GNL2: variants seen among roughly 807,000 people sequenced by gnomAD.
The protein encoded by GNL2 is nucleolar GTP-binding protein 2.
GNL2 carries 51 observed loss-of-function variants against 92.3 expected under a neutral mutation model. The observed-to-expected ratio is 0.55, with a 90% confidence interval of 0.44 to 0.70. The LOEUF (loss-of-function observed/expected upper bound fraction) is 0.70, where lower values mean the gene tolerates loss of function less well. GNL2 is among the 30% of genes least tolerant of loss of function. The pLI is 0.00. For synonymous variants in GNL2, 283 were observed against 300.6 expected (o/e 0.94, Z 0.61); for missense variants, 844 against 895.6 (o/e 0.94, Z 0.74).
At chr1:37,591,764 C>T (rs1643889190) in intron 3 of GNL2, among the ~76,000 whole-genome samples, 1 of 152,138 alleles carries the variant, frequency 6.6e-6, no homozygotes, top group South Asian at 2.1e-4. Context: ...GCCTTGGCCT[C>T]CCAAAGTGCT....
intron 15 of GNL2, among the ~76,000 whole-genome samples, chr1:37,567,358 G>A (rs1643520957): frequency 6.6e-6 from 1 of 152,224 alleles, no homozygotes. Context: ...CTCCAAAGCT[G>A]TCCTTCACAG....
rs745978942 is a variant in GNL2, at chr1:37,593,749, A to C, written c.149+13T>G. ...GAAGGAAAAGAGAAAGGATGACAGC[A>C]CCCAGTGCTCACCTGCGCTCCTTTT... On this transcript the variant is annotated intron_variant, in intron 2 of 15. Coordinates refer to ENST00000373062, the MANE Select transcript of GNL2 (RefSeq NM_013285.3). 8.8e-6 allele frequency: 14 copies of C among 1,591,692 alleles called. No homozygotes were observed. The highest frequency in any genetic ancestry group is 1.7e-4 in the Middle Eastern group (1 of 6,042).
intron 8 of GNL2, among the ~76,000 whole-genome samples, chr1:37,577,251 T>C (rs1326602746): frequency 6.6e-6 from 1 of 152,190 alleles, no homozygotes; most frequent in Non-Finnish European, 1.5e-5. Flanking sequence ...ACCCCCCCTT[T>C]TCTTTGCATA....
In GNL2 at chr1:37,595,904, G is replaced by C. The variant is rs183321878; in HGVS notation, c.-82C>G. ...TTTTATGTTCCCAAGCCCGGCCGAA[G>C]ACACCCGCCTGAACCACGCCGGACC... On this transcript the variant is annotated 5_prime_UTR_variant, in exon 1 of 16. Coordinates refer to ENST00000373062, the MANE Select transcript of GNL2 (RefSeq NM_013285.3). 8 of 1,209,456 alleles carry C rather than the reference G, an allele frequency of 6.6e-6. No individual in the cohort carries two copies. The Admixed American group carries it at 8.8e-5, about 13-fold the overall frequency. The allele number at this position is 1,209,456 out of a possible 1,614,324, so 74.9% of individuals were successfully genotyped here. A position where few individuals can be genotyped will look rare whatever the true frequency, so the allele number is the denominator to read the frequency against.
chr1:37,581,695 C>T (rs917401748), intron 8 of GNL2: 38 of 362,180 alleles, frequency 1.0e-4, no homozygotes, highest in Admixed American at 1.0e-3. Context: ...TGAGAAGTCT[C>T]GCTCTGTCGC....
chr1:37,574,958 C>G lies in GNL2; in HGVS notation c.1144-135G>C, dbSNP rs933377538. The G allele has an allele frequency of 4.6e-6, 3 of 655,764 alleles. No homozygotes were observed. The African/African-American group carries it at 5.4e-5, about 12-fold the overall frequency. The allele number at this position is 655,764 out of a possible 1,614,324, so 40.6% of individuals were successfully genotyped here. A position where few individuals can be genotyped will look rare whatever the true frequency, so the allele number is the denominator to read the frequency against. Reference sequence around the variant, plus strand: ...CGTGGAGATTGGCAGGAGCCTGTCTCTGACGGGGCTAGACATGGTCAGCTG... The same window carrying G: ...CGTGGAGATTGGCAGGAGCCTGTCTGTGACGGGGCTAGACATGGTCAGCTG... On this transcript the variant is annotated intron_variant, in intron 10 of 15. Coordinates refer to ENST00000373062, the MANE Select transcript of GNL2 (RefSeq NM_013285.3).
chr1:37,584,753 TA>T (rs1032216214), intron 5 of GNL2, among the ~76,000 whole-genome samples: 1 of 152,052 alleles, frequency 6.6e-6, no homozygotes, highest in African/African-American at 2.4e-5. Context: ...CACAACAATG[TA>T]AATGAACTTA....
rs1643649311 is a variant in GNL2 at position 37,574,683 on chromosome 1, C to A, written c.1284G>T (p.Arg428=). The change falls in exon 11 of 16, where the codon CGG becomes CGT. Residue 428 remains arginine, a synonymous_variant. Coordinates refer to ENST00000373062, the MANE Select transcript of GNL2 (RefSeq NM_013285.3). ...GGGTCACCTTTAGTAACTTCCCAGTCCGGAAAGCGAGCTTCTCAAGAAAGT... is the reference window on the plus strand; with the variant it reads ...GGGTCACCTTTAGTAACTTCCCAGTACGGAAAGCGAGCTTCTCAAGAAAGT... ...AEDFLEKLAF[R]TGKLLKGGEP... 2 of 1,613,778 alleles carry A rather than the reference C, an allele frequency of 1.2e-6. No individual in the cohort carries two copies. Among genetic ancestry groups the A allele is most frequent in the Non-Finnish European group, 1.7e-6 (2 of 1,179,972 alleles).
Position 37,593,973 on chromosome 1 carries a change from TA to T in GNL2, c.65-128del, listed in dbSNP as rs1643905619. 6 of 630,740 alleles carry T rather than the reference TA, an allele frequency of 9.5e-6. No homozygotes were observed. The Admixed American group carries it at 1.2e-4, about 12-fold the overall frequency. 39.1% of individuals were successfully genotyped at this position (630,740 alleles called of 1,614,324 possible). A position where few individuals can be genotyped will look rare whatever the true frequency, so the allele number is the denominator to read the frequency against. On this transcript the variant is annotated intron_variant, in intron 1 of 15. Coordinates refer to ENST00000373062, the MANE Select transcript of GNL2 (RefSeq NM_013285.3). ...AGAAGCCACCAACCACAAAAATCTCTACTTTCTCCATATGTTGCTCCAATAA... is the reference window on the plus strand; with the variant it reads ...AGAAGCCACCAACCACAAAAATCTCTCTTTCTCCATATGTTGCTCCAATAA...
At chr1:37,572,438 T>C (rs562858267) in intron 12 of GNL2, among the ~76,000 whole-genome samples, 4 of 152,294 alleles carry the variant, frequency 2.6e-5, no homozygotes, top group African/African-American at 7.2e-5. Flanking sequence ...GACCACATGG[T>C]TGGTGCTTTC....
At chr1:37,578,436 C>T (rs2148134115) in intron 8 of GNL2, among the ~76,000 whole-genome samples, 1 of 141,142 alleles carries the variant, frequency 7.1e-6, no homozygotes, top group South Asian at 2.2e-4. Context: ...AAGACTCTGT[C>T]TCAAAAAAAA....
rs367923987 is a variant in GNL2, at chr1:37,587,294, CAAA to C, written c.569+14_569+16del. 6.2e-6 allele frequency: 7 copies of C among 1,138,148 alleles called. No homozygotes were observed. The highest frequency in any genetic ancestry group is 5.0e-5 in the African/African-American group (3 of 60,224). The allele number at this position is 1,138,148 out of a possible 1,614,324, so 70.5% of individuals were successfully genotyped here. On this transcript the variant is annotated intron_variant, in intron 5 of 15. Coordinates refer to ENST00000373062, the MANE Select transcript of GNL2 (RefSeq NM_013285.3). ...AAAAAAAAAAACAAAAACAAAGAAG[CAAA>C]AAAAAAAATGTACCTCACACCAGTG...
Position 37,574,439 on chromosome 1 carries a change from CA to C in GNL2, c.1319del (p.Leu440CysfsTer172), listed in dbSNP as rs1310902304. 1.2e-6 allele frequency: 2 copies of C among 1,613,868 alleles called. No individual in the cohort carries two copies. The highest frequency in any genetic ancestry group is 1.7e-6 in the Non-Finnish European group (2 of 1,179,788). On this transcript the variant is annotated frameshift_variant, in exon 12 of 16. Coordinates refer to ENST00000373062, the MANE Select transcript of GNL2 (RefSeq NM_013285.3). LOFTEE classifies it high-confidence loss of function. ...GKLLKGGEPD[L>X]QTVGKMVLND... ...TGAGGACCATCTTACCCACAGTCTG[CA>C]AGTCGGGCTCTCCACCCTGAAAGGT...
At position 37,575,348 on chromosome 1, in the gene GNL2, C is replaced by G. The variant is rs1643661672; in HGVS notation, c.1143+247G>C. 6.6e-6 allele frequency among the ~76,000 whole-genome samples: 1 copy of G among 152,188 alleles called. No homozygotes were observed. Among genetic ancestry groups the G allele is most frequent in the Admixed American group, 6.5e-5 (1 of 15,274 alleles). On this transcript the variant is annotated intron_variant, in intron 10 of 15. Coordinates refer to ENST00000373062, the MANE Select transcript of GNL2 (RefSeq NM_013285.3). The surrounding 1 kb of genome is among the most constrained non-coding windows in gnomAD (Gnocchi z 4.1). The stretch of plus-strand genomic sequence containing the variant: ...CTAAGCATAAACAGGCCCTGCTTCC[C>G]TTTGGATCCTGTGTGTAAACTACAA...
Position 37,589,479 on chromosome 1 carries a change from T to C in GNL2, c.384+1227A>G, listed in dbSNP as rs574600789. Among the ~76,000 whole-genome samples, 7 of 152,276 alleles carry C rather than the reference T, an allele frequency of 4.6e-5. No homozygotes were observed. In the South Asian group the frequency reaches 1.5e-3, roughly 32 times the overall value. On this transcript the variant is annotated intron_variant, in intron 4 of 15. Transcript: ENST00000373062. ...GCCACCACGCCCGGCTAATTTTTTT[T>C]TGTATTTTTAGTAGAGACGGGATTT...
chr1:37,570,983 C>A (rs148572149), intron 12 of GNL2: 1 of 152,014 alleles, frequency 6.6e-6, no homozygotes. Context: ...CAAGAGTGGC[C>A]GGGCAAATCA....
intron 5 of GNL2, among the ~76,000 whole-genome samples, chr1:37,584,361 A>G (rs948121184): frequency 6.6e-6 from 1 of 151,470 alleles, no homozygotes; most frequent in African/African-American, 2.4e-5. Flanking sequence ...GGGTGGGAGA[A>G]CTCCTTGAGC....
chr1:37,589,654 T>C (rs1557645035), intron 4 of GNL2, among the ~76,000 whole-genome samples: 1 of 152,180 alleles, frequency 6.6e-6, no homozygotes, highest in Non-Finnish European at 1.5e-5. Flanking sequence ...CCCCTCCTCA[T>C]ACTGGAACTG....
At chr1:37,587,241 T>C in intron 5 of GNL2, 70 bp downstream of exon 5, 2 of 1,199,920 alleles carry the variant, frequency 1.7e-6, no homozygotes, top group East Asian at 2.4e-5. Flanking sequence ...CATTCCAGCC[T>C]GGGCGACAAA....
Sources: allele counts gnomAD v4.1 joint callset (sites outside exome capture counted in the v4.1 genomes callset), GRCh38; gene constraint gnomAD v4.1.1; non-coding constraint Gnocchi (gnomAD v3.1); transcripts MANE v1.5; gene names NCBI Gene and HGNC (gene_info 2026-07-23, HGNC 2026-07-21).